Variants in MADD observed in about 807,000 individuals in gnomAD.
The protein encoded by MADD is MAP kinase activating death domain.
A neutral mutation model predicts 176.7 loss-of-function variants in MADD; 109 were observed. The ratio of observed to expected loss-of-function variants is 0.62; its 90% CI spans 0.53 to 0.72. The LOEUF is 0.72. MADD is among the 30% of genes least tolerant of loss of function. The pLI, the probability that MADD is intolerant of heterozygous loss-of-function variation, is 0.00. For missense variants in MADD, 1,914 were observed against 2,045.5 expected (o/e 0.94, Z 1.24); for synonymous variants, 771 against 771.3 (o/e 1.00, Z 0.01).
intron 30 of MADD, chr11:47,324,886 C>G (rs751573983): frequency 2.5e-4 from 150 of 606,200 alleles, no homozygotes; most frequent in Non-Finnish European, 3.7e-4. Context: ...TGGCCCTTCC[C>G]CTGCAGTGTC....
chr11:47,286,957 G>A (rs577430452), intron 15 of MADD, among the ~76,000 whole-genome samples: 18 of 152,254 alleles, frequency 1.2e-4, no homozygotes, highest in Non-Finnish European at 2.5e-4. Flanking sequence ...CACCTCTCAC[G>A]CACTCATAAG....
chr11:47,285,317 A>T lies in MADD; in HGVS notation c.2411+123A>T, dbSNP rs1179333500. The T allele has an allele frequency of 3.9e-6, 6 of 1,538,478 alleles. No individual in the cohort carries two copies. The African/African-American group carries it at 6.8e-5, about 17-fold the overall frequency. On this transcript the variant is annotated intron_variant, in intron 13 of 32. Transcript: ENST00000402192. ...GCTCTCGTGGTCCTGCCATCCCCAGAGGATGGTGTTCTGATCCAGGGGCTT... is the reference window on the plus strand; with the variant it reads ...GCTCTCGTGGTCCTGCCATCCCCAGTGGATGGTGTTCTGATCCAGGGGCTT...
intron 30 of MADD, 39 bp from the exon 34 acceptor site, chr11:47,326,505 A>G: frequency 7.4e-7 from 1 of 1,354,354 alleles, no homozygotes. Context: ...ATTCAAACTA[A>G]CGCCTTCATT....
intron 22 of MADD, among the ~76,000 whole-genome samples, chr11:47,298,667 G>A (rs2075135612): frequency 6.6e-6 from 1 of 152,140 alleles, no homozygotes; most frequent in Non-Finnish European, 1.5e-5. Flanking sequence ...CCTTTGTTGT[G>A]TAGAAGCTTT....
chr11:47,299,567 C>G (rs2139794926), intron 22 of MADD, among the ~76,000 whole-genome samples: 1 of 33,804 alleles, frequency 3.0e-5, no homozygotes, highest in African/African-American at 1.6e-4. Flanking sequence ...TCTGAGTTTT[C>G]TAGTGGAGAT....
rs573484040 is a variant in MADD at position 47,294,359 on chromosome 11, A to T, written c.3402+376A>T. 1.5e-3 allele frequency among the ~76,000 whole-genome samples: 181 copies of T among 117,650 alleles called. No homozygotes were observed. The Middle Eastern group carries it at 0.028, about 18-fold the overall frequency. 77.2% of individuals were successfully genotyped at this position (117,650 alleles called of 152,430 possible). On this transcript the variant is annotated intron_variant, in intron 20 of 32. Transcript: ENST00000402192. The stretch of plus-strand genomic sequence containing the variant: ...GTGAAACTCCATCTCAAAAAAAAAA[A>T]AAAATAAAAATAAAAATAAAATAGC...
intron 30 of MADD, among the ~76,000 whole-genome samples, chr11:47,326,189 G>C (rs760579425): frequency 6.6e-6 from 1 of 152,198 alleles, no homozygotes; most frequent in Admixed American, 6.5e-5. Context: ...ATTAGAAATC[G>C]TATTTGTAAA....
intron 32 of MADD, 53 bp from the exon 37 acceptor site, chr11:47,328,993 A>T (rs945662682): frequency 2.8e-6 from 4 of 1,403,798 alleles, no homozygotes; most frequent in Non-Finnish European, 4.0e-6. Context: ...TCCTTCACAT[A>T]TGGAGATGGA....
chr11:47,313,930 TTA>T (rs2091557157), intron 26 of MADD, among the ~76,000 whole-genome samples: 1 of 151,960 alleles, frequency 6.6e-6, no homozygotes. Context: ...CGGCTAATTT[TTA>T]TGTTTTTAGT....
chr11:47,284,418 G>A (rs766770089), exon 12 of MADD: 2 of 1,614,194 alleles, frequency 1.2e-6, no homozygotes, highest in East Asian at 2.2e-5. Flanking sequence ...ATGCCAGCGA[G>A]GTGGAGATTG....
At chr11:47,281,860 T>TTTTTTTTTTTTTTTTTA (rs1555022835) in intron 8 of MADD, 107 bp downstream of exon 8, 1 of 741,902 alleles carries the variant, frequency 1.3e-6, no homozygotes, top group Non-Finnish European at 1.9e-6. Flanking sequence ...CTTTTTTTTT[T>TTTTTTTTTTTTTTTTTA]GAGATAGATT....
chr11:47,282,395 G>A (rs1435418334), exon 9 of MADD: 11 of 1,613,952 alleles, frequency 6.8e-6, no homozygotes, highest in East Asian at 6.7e-5. Context: ...GCCATGGTAC[G>A]GTTCTTCAAT....
chr11:47,328,061 C>G, intron 31 of MADD: 1 of 993,870 alleles, frequency 1.0e-6, no homozygotes, highest in Non-Finnish European at 1.2e-6. Context: ...GACGCTCTCC[C>G]TCACACAGGC....
exon 26 of MADD, chr11:47,311,836 G>A (rs201624000): frequency 1.4e-5 from 22 of 1,611,524 alleles, no homozygotes; most frequent in African/African-American, 5.3e-5. Context: ...ATCAGCTGGC[G>A]AACCTGGTAA....
intron 7 of MADD, among the ~76,000 whole-genome samples, chr11:47,280,740 T>C (rs1404352226): frequency 6.6e-6 from 1 of 152,178 alleles, no homozygotes. Context: ...AATTTGTTTG[T>C]ATTTTTAGTA....
chr11:47,292,979 T>A (rs989777336), intron 19 of MADD, among the ~76,000 whole-genome samples: 1 of 152,120 alleles, frequency 6.6e-6, no homozygotes, highest in Non-Finnish European at 1.5e-5. Flanking sequence ...AGTCTGTAGC[T>A]GCCCCACTCT....
At chr11:47,309,982 C>T (rs2086821919) in intron 25 of MADD, among the ~76,000 whole-genome samples, 1 of 151,746 alleles carries the variant, frequency 6.6e-6, no homozygotes, top group Admixed American at 6.6e-5. Context: ...GCTGCGATTA[C>T]AGGCGCACAC....
exon 23 of MADD, chr11:47,308,628 A>C (rs759510255): frequency 2.5e-6 from 4 of 1,614,076 alleles, no homozygotes; most frequent in South Asian, 1.1e-5. Context: ...ATAAAGGAGA[A>C]GCTGGCAGGC....
At chr11:47,328,179 G>C (rs999869415) in intron 31 of MADD, 1 of 1,045,040 alleles carries the variant, frequency 9.6e-7, no homozygotes, top group African/African-American at 1.7e-5. Flanking sequence ...AGGGGGCTGG[G>C]AATAACGGGA....
Sources: allele counts gnomAD v4.1 joint callset (sites outside exome capture counted in the v4.1 genomes callset), GRCh38; gene constraint gnomAD v4.1.1; transcripts MANE v1.5; gene names NCBI Gene and HGNC (gene_info 2026-07-23, HGNC 2026-07-21).